SGCZ: variants seen among roughly 807,000 people sequenced by gnomAD.
SGCZ encodes sarcoglycan zeta, also known as zeta-sarcoglycan.
A neutral mutation model predicts 41.3 loss-of-function variants in SGCZ; 40 were observed. That is an observed-to-expected ratio of 0.97 (90% CI 0.75 to 1.26). SGCZ has a LOEUF of 1.26. Among genes scored for constraint, SGCZ ranks in the 50% most tolerant of loss-of-function variants. SGCZ has a pLI of 0.00. For synonymous variants in SGCZ, 206 were observed against 137.5 expected (o/e 1.50, Z -3.49); for missense variants, 552 against 369.8 (o/e 1.49, Z -4.04).
chr8:14,506,146 G>T (rs13277089), intron 2 of SGCZ, among the ~76,000 whole-genome samples: 1 of 151,868 alleles, frequency 6.6e-6, no homozygotes, highest in African/African-American at 2.4e-5. Context: ...GACCAGCCTG[G>T]CAAGCATGAT....
intron 2 of SGCZ, among the ~76,000 whole-genome samples, chr8:14,543,533 G>A (rs1466644298): frequency 6.6e-6 from 1 of 152,008 alleles, no homozygotes; most frequent in Admixed American, 6.6e-5. Context: ...AAAAAGTATT[G>A]TGTAAAGAGA....
chr8:14,579,419 C>G (rs1804813826), intron 1 of SGCZ, among the ~76,000 whole-genome samples: 1 of 152,186 alleles, frequency 6.6e-6, no homozygotes, highest in South Asian at 2.1e-4. Context: ...TTAATACACT[C>G]TCTATCAAGC....
At chr8:14,386,467 C>T (rs1804582257) in intron 2 of SGCZ, among the ~76,000 whole-genome samples, 1 of 152,148 alleles carries the variant, frequency 6.6e-6, no homozygotes, top group Non-Finnish European at 1.5e-5. Context: ...TTGTACAAAT[C>T]TGATACTGAA....
intron 4 of SGCZ, among the ~76,000 whole-genome samples, chr8:14,171,162 A>C (rs1165182468): frequency 1.3e-5 from 2 of 151,532 alleles, no homozygotes; most frequent in East Asian, 1.9e-4. Flanking sequence ...AAAAAAAAAA[A>C]AAAAACTAAC....
chr8:14,372,482 G>A (rs1023304856), intron 2 of SGCZ, among the ~76,000 whole-genome samples: 1 of 152,098 alleles, frequency 6.6e-6, no homozygotes, highest in African/African-American at 2.4e-5. Flanking sequence ...TTGGTGAGGT[G>A]AGAAAGAAAT....
intron 2 of SGCZ, among the ~76,000 whole-genome samples, chr8:14,336,175 T>C (rs3988437): frequency 0.44 from 67,288 of 151,990 alleles, 15,472 homozygotes; most frequent in South Asian, 0.71. Flanking sequence ...TATTTGGTTT[T>C]CTGCTTCTGT....
intron 2 of SGCZ, among the ~76,000 whole-genome samples, chr8:14,466,450 GA>G (rs1801052784): frequency 6.6e-6 from 1 of 151,938 alleles, no homozygotes. Context: ...ATTGAAGTGA[GA>G]GTCTTTTAGT....
chr8:14,862,937 G>T (rs1803804435), intron 1 of SGCZ, among the ~76,000 whole-genome samples: 1 of 152,082 alleles, frequency 6.6e-6, no homozygotes, highest in Non-Finnish European at 1.5e-5. Context: ...GCTGCTTACA[G>T]AGAAGATATG....
chr8:14,519,273 A>C (rs891331544), intron 2 of SGCZ, among the ~76,000 whole-genome samples: 1 of 152,080 alleles, frequency 6.6e-6, no homozygotes, highest in Non-Finnish European at 1.5e-5. Flanking sequence ...AGTTATGTGC[A>C]GTATCAAAAT....
chr8:14,128,975 G>C (rs1309289385), intron 5 of SGCZ, among the ~76,000 whole-genome samples: 1 of 151,996 alleles, frequency 6.6e-6, no homozygotes, highest in Non-Finnish European at 1.5e-5. Flanking sequence ...TACCTATTTG[G>C]TACAGTGTAC....
chr8:14,173,729 TAAAC>T (rs1243559909), intron 4 of SGCZ, among the ~76,000 whole-genome samples: 2 of 149,992 alleles, frequency 1.3e-5, no homozygotes, highest in Non-Finnish European at 3.0e-5. Flanking sequence ...GAGGATAAAA[TAAAC>T]AAAAGATAGA....
At chr8:14,559,033 C>A (rs190916987) in intron 1 of SGCZ, among the ~76,000 whole-genome samples, 2 of 152,026 alleles carry the variant, frequency 1.3e-5, no homozygotes, top group East Asian at 1.9e-4. Flanking sequence ...ACAGTGAATG[C>A]GGAAAAGTTG....
intron 1 of SGCZ, among the ~76,000 whole-genome samples, chr8:14,587,034 A>T (rs1420696603): frequency 6.6e-6 from 1 of 151,990 alleles, no homozygotes; most frequent in African/African-American, 2.4e-5. Flanking sequence ...CATTAAAAAA[A>T]AAACAAAATA....
chr8:14,469,781 T>A (rs1473241198), intron 2 of SGCZ, among the ~76,000 whole-genome samples: 1 of 152,078 alleles, frequency 6.6e-6, no homozygotes, highest in African/African-American at 2.4e-5. Flanking sequence ...ATAAAGCCCT[T>A]ATAAAAACCC....
At chr8:14,491,089 G>C (rs1352317113) in intron 2 of SGCZ, among the ~76,000 whole-genome samples, 1 of 151,838 alleles carries the variant, frequency 6.6e-6, no homozygotes, top group Non-Finnish European at 1.5e-5. Context: ...TTCCAGCCCA[G>C]TATTAAATTT....
chr8:15,067,938 T>G (rs1258752677), intron 1 of SGCZ, among the ~76,000 whole-genome samples: 1 of 152,158 alleles, frequency 6.6e-6, no homozygotes, highest in Non-Finnish European at 1.5e-5. Flanking sequence ...AAATAAGATG[T>G]AAAAGATGAT....
At chr8:14,940,156 T>C (rs1381827967) in intron 1 of SGCZ, among the ~76,000 whole-genome samples, 2 of 152,070 alleles carry the variant, frequency 1.3e-5, no homozygotes, top group Non-Finnish European at 2.9e-5. Context: ...AAAGCCAAAA[T>C]AGCATAACAA....
At chr8:15,219,942 T>G (rs772072466) in intron 1 of SGCZ, among the ~76,000 whole-genome samples, 1 of 152,174 alleles carries the variant, frequency 6.6e-6, no homozygotes, top group Non-Finnish European at 1.5e-5. Context: ...TGATGGTAGT[T>G]GTAAAAAGAA....
intron 2 of SGCZ, among the ~76,000 whole-genome samples, chr8:14,330,936 A>G (rs1802296736): frequency 6.6e-6 from 1 of 152,046 alleles, no homozygotes; most frequent in African/African-American, 2.4e-5. Context: ...AAGCAAATAT[A>G]CATTTTAGAC....
Sources: allele counts gnomAD v4.1 joint callset (sites outside exome capture counted in the v4.1 genomes callset), GRCh38; gene constraint gnomAD v4.1.1; transcripts MANE v1.5; gene names NCBI Gene and HGNC (gene_info 2026-07-23, HGNC 2026-07-21).